EPHA6: variants seen among roughly 807,000 people sequenced by gnomAD.
The protein encoded by EPHA6 is ephrin type-A receptor 6.
Under a neutral mutation model 112.0 loss-of-function variants are expected in EPHA6, and 50 were observed. The ratio of observed to expected loss-of-function variants is 0.45; its 90% CI spans 0.36 to 0.56. The LOEUF is 0.56. EPHA6 is among the 20% of genes least tolerant of loss of function. The probability of loss-of-function intolerance (pLI) is 0.00; values close to 1 mark genes in which losing one functional copy is unlikely to be tolerated. For synonymous variants in EPHA6, 529 were observed against 490.7 expected, an observed-to-expected ratio of 1.08 and a Z score of -1.03; for missense variants, 1,280 against 1,417.4, an observed-to-expected ratio of 0.90 and a Z score of 1.56.
chr3:97,229,948 T>C (rs1331151819), intron 4 of EPHA6, among the ~76,000 whole-genome samples: 1 of 152,132 alleles, frequency 6.6e-6, no homozygotes, highest in Non-Finnish European at 1.5e-5. Context: ...ATATAATTTC[T>C]CACTTATGGA....
At chr3:97,160,592 T>TG (rs1191997319) in intron 3 of EPHA6, among the ~76,000 whole-genome samples, 1 of 152,080 alleles carries the variant, frequency 6.6e-6, no homozygotes, top group Non-Finnish European at 1.5e-5. Flanking sequence ...TCTTTACATA[T>TG]TTTTACCCAT....
At chr3:96,843,678 T>C (rs1191616239) in intron 1 of EPHA6, among the ~76,000 whole-genome samples, 1 of 152,026 alleles carries the variant, frequency 6.6e-6, no homozygotes, top group East Asian at 1.9e-4. Flanking sequence ...GCAAGGAATG[T>C]TGTAAGTAAA....
At chr3:97,029,984 C>G (rs560660236) in intron 3 of EPHA6, among the ~76,000 whole-genome samples, 30 of 152,126 alleles carry the variant, frequency 2.0e-4, no homozygotes, top group African/African-American at 6.7e-4. Flanking sequence ...TTTGACATAC[C>G]AGTTTTGCTC....
intron 5 of EPHA6, among the ~76,000 whole-genome samples, chr3:97,313,467 C>A (rs1338528365): frequency 4.6e-5 from 7 of 151,470 alleles, no homozygotes; most frequent in Non-Finnish European, 1.0e-4. Flanking sequence ...ATAGTATTTT[C>A]TAATATACCC....
chr3:96,940,957 C>A (rs1427077099), intron 2 of EPHA6, among the ~76,000 whole-genome samples: 2 of 152,224 alleles, frequency 1.3e-5, no homozygotes, highest in Non-Finnish European at 2.9e-5. Flanking sequence ...AGAGTTTCTG[C>A]CGAGAGATCA....
At chr3:97,519,986 G>A (rs927054271) in intron 10 of EPHA6, among the ~76,000 whole-genome samples, 1 of 84,092 alleles carries the variant, frequency 1.2e-5, no homozygotes, top group Non-Finnish European at 2.3e-5. Context: ...TTTTTTTTTT[G>A]AGACAGAGTC....
chr3:97,428,686 G>A (rs905087842), intron 6 of EPHA6, among the ~76,000 whole-genome samples: 1 of 152,090 alleles, frequency 6.6e-6, no homozygotes, highest in African/African-American at 2.4e-5. Context: ...CTCCCTTTAA[G>A]AGAGAGAACG....
At chr3:96,954,579 C>G (rs2041679852) in intron 2 of EPHA6, among the ~76,000 whole-genome samples, 1 of 152,122 alleles carries the variant, frequency 6.6e-6, no homozygotes, top group Admixed American at 6.6e-5. Context: ...GAAGTGCTTC[C>G]TGATTATCTC....
chr3:97,523,252 T>C (rs1171272074), intron 10 of EPHA6, among the ~76,000 whole-genome samples: 1 of 152,152 alleles, frequency 6.6e-6, no homozygotes, highest in Non-Finnish European at 1.5e-5. Flanking sequence ...TCCGAGGATA[T>C]TTTTAACTTT....
intron 6 of EPHA6, among the ~76,000 whole-genome samples, chr3:97,421,083 C>A (rs189589454): frequency 6.6e-6 from 1 of 151,800 alleles, no homozygotes; most frequent in Non-Finnish European, 1.5e-5. Context: ...AGCAAATAGC[C>A]GTCTTAGTGA....
intron 3 of EPHA6, among the ~76,000 whole-genome samples, chr3:97,133,006 C>T (rs2075674670): frequency 6.6e-6 from 1 of 151,940 alleles, no homozygotes; most frequent in African/African-American, 2.4e-5. Flanking sequence ...ATGTCGTATG[C>T]ATATATACAA....
At chr3:97,079,677 G>C (rs2046657379) in intron 3 of EPHA6, among the ~76,000 whole-genome samples, 1 of 150,792 alleles carries the variant, frequency 6.6e-6, no homozygotes, top group Admixed American at 6.6e-5. Flanking sequence ...GTTATACTGT[G>C]GGTAAAATGC....
At chr3:97,626,160 C>G (rs2107519907) in intron 13 of EPHA6, among the ~76,000 whole-genome samples, 1 of 151,688 alleles carries the variant, frequency 6.6e-6, no homozygotes. Flanking sequence ...TGCAACCAAC[C>G]AAAAATCTTC....
At chr3:96,999,833 T>C (rs1430628118) in intron 3 of EPHA6, among the ~76,000 whole-genome samples, 2 of 151,876 alleles carry the variant, frequency 1.3e-5, no homozygotes, top group African/African-American at 4.8e-5. Flanking sequence ...GAAATGGTCA[T>C]GGATGACAGA....
In EPHA6 at chr3:97,754,648, G is replaced by T. The variant is rs568125366; in HGVS notation, c.*5947G>T. ...AACTGCAAAGTTTGTATATCTCAGT[G>T]ACATCAAGTGATTTTTGCACTGTCC... On this transcript the variant is annotated 3_prime_UTR_variant, in exon 18 of 18. Coordinates refer to ENST00000389672, the MANE Select transcript of EPHA6 (RefSeq NM_001080448.3). Among the ~76,000 whole-genome samples the T allele has an allele frequency of 6.6e-6, 1 of 152,178 alleles. No homozygotes were observed. The highest frequency in any genetic ancestry group is 2.4e-5 in the African/African-American group (1 of 41,450).
At chr3:97,058,403 T>G (rs960767666) in intron 3 of EPHA6, among the ~76,000 whole-genome samples, 1 of 152,096 alleles carries the variant, frequency 6.6e-6, no homozygotes, top group Non-Finnish European at 1.5e-5. Context: ...GTTCAAGAGA[T>G]TCTCCTGCCT....
chr3:97,619,433 AGG>A (rs34766006), intron 13 of EPHA6, among the ~76,000 whole-genome samples: 16,489 of 113,294 alleles, frequency 0.15, 2,313 homozygotes, highest in East Asian at 0.45. Context: ...CAATAGAAAA[AGG>A]GGGGGGGGGG....
intron 10 of EPHA6, among the ~76,000 whole-genome samples, chr3:97,513,234 T>A (rs1275043605): frequency 6.6e-6 from 1 of 152,144 alleles, no homozygotes; most frequent in African/African-American, 2.4e-5. Flanking sequence ...TAGACAACAG[T>A]GTGGAAGTTC....
At chr3:96,991,026 G>T (rs2043197005) in intron 3 of EPHA6, among the ~76,000 whole-genome samples, 1 of 150,770 alleles carries the variant, frequency 6.6e-6, no homozygotes, top group South Asian at 2.1e-4. Context: ...GTCTTATTCT[G>T]TCACCCAGGC....
Sources: gnomAD v4.1 joint callset for allele counts (sites outside exome capture counted in the v4.1 genomes callset) on GRCh38, gnomAD v4.1.1 for gene constraint, MANE v1.5 for transcripts, NCBI Gene and HGNC (gene_info 2026-07-23, HGNC 2026-07-21) for gene names.